Variants in ATP2C1 observed in about 807,000 individuals in gnomAD.
The protein encoded by ATP2C1 is calcium-transporting ATPase type 2C member 1.
Under a neutral mutation model 120.5 loss-of-function variants are expected in ATP2C1, and 31 were observed. That is an observed-to-expected ratio of 0.26 (90% CI 0.19 to 0.35). The LOEUF (loss-of-function observed/expected upper bound fraction) is 0.35, where lower values mean the gene tolerates loss of function less well. Among genes scored for constraint, ATP2C1 ranks in the 10% least tolerant of loss-of-function variants. ATP2C1 has a pLI of 1.00. For missense variants in ATP2C1, 731 were observed against 1,107.5 expected (o/e 0.66, Z 4.83); for synonymous variants, 351 against 358.7 (o/e 0.98, Z 0.24).
At chr3:130,912,011 C>G (rs1405508943) in intron 2 of ATP2C1, among the ~76,000 whole-genome samples, 2 of 109,638 alleles carry the variant, frequency 1.8e-5, no homozygotes, top group African/African-American at 7.4e-5. Context: ...AAAGGATTCC[C>G]TATTTAATAA....
At chr3:130,895,185 A>G (rs1290866041) in intron 2 of ATP2C1, among the ~76,000 whole-genome samples, 2 of 152,238 alleles carry the variant, frequency 1.3e-5, no homozygotes, top group Admixed American at 6.5e-5. Flanking sequence ...GGTGTGTGGC[A>G]GGATTCATTT....
upstream of ATP2C1, among the ~76,000 whole-genome samples, chr3:130,891,887 C>T (rs1417880093): frequency 6.6e-6 from 1 of 152,060 alleles, no homozygotes; most frequent in African/African-American, 2.4e-5. Context: ...GGATCGGTTC[C>T]AGAACCCCCT....
chr3:130,891,362 A>G (rs1484691428), upstream of ATP2C1, among the ~76,000 whole-genome samples: 1 of 152,220 alleles, frequency 6.6e-6, no homozygotes, highest in East Asian at 1.9e-4. Context: ...CCTTTGTGGA[A>G]TAAAGCACAG....
chr3:130,990,467 C>G (rs1265382450), intron 20 of ATP2C1, among the ~76,000 whole-genome samples: 1 of 152,038 alleles, frequency 6.6e-6, no homozygotes. Context: ...GTGTGAGGAA[C>G]AACGAGGAGG....
At chr3:130,950,944 T>G (rs2060346459) in intron 8 of ATP2C1, among the ~76,000 whole-genome samples, 1 of 152,176 alleles carries the variant, frequency 6.6e-6, no homozygotes, top group Non-Finnish European at 1.5e-5. Context: ...GATTTACATT[T>G]AAAGCAAAAG....
intron 5 of ATP2C1, among the ~76,000 whole-genome samples, chr3:130,935,481 T>G (rs887457505): frequency 6.6e-6 from 1 of 152,224 alleles, no homozygotes; most frequent in Admixed American, 6.5e-5. Context: ...TATAAAAAAT[T>G]TGTAGCAAGT....
At chr3:130,985,789 GATCATT>G (rs1346904296) in intron 20 of ATP2C1, among the ~76,000 whole-genome samples, 1 of 152,122 alleles carries the variant, frequency 6.6e-6, no homozygotes, top group Non-Finnish European at 1.5e-5. Flanking sequence ...TGACTTTCAC[GATCATT>G]AACTATATTT....
chr3:131,014,151 G>A (rs1222095518), intron 26 of ATP2C1: 1 of 1,613,282 alleles, frequency 6.2e-7, no homozygotes, highest in Non-Finnish European at 8.5e-7. Context: ...CTTGGTGTGT[G>A]CAGTGGTTCT....
At chr3:130,872,462 A>G (rs879013685) in intron 1 of ATP2C1, among the ~76,000 whole-genome samples, 3 of 152,114 alleles carry the variant, frequency 2.0e-5, no homozygotes, top group Non-Finnish European at 2.9e-5. Context: ...CTATTGAATA[A>G]TGTCTCTAAA....
In ATP2C1 at chr3:131,008,622, G is replaced by T. The variant is rs146044023; in HGVS notation, c.2630-7530G>T. Among the ~76,000 whole-genome samples, 361 of 152,208 alleles carry T rather than the reference G, an allele frequency of 2.4e-3. 1 individual carries two copies. The highest frequency in any genetic ancestry group is 8.4e-3 in the African/African-American group (350 of 41,536). On this transcript the variant is annotated intron_variant, in intron 26 of 26. Coordinates refer to the ATP2C1 transcript ENST00000328560. ...GGTGAGCAGTTGCAAGGGACTATAT[G>T]ACCTGTAAAGCCTAAAATATTTACT...
intron 1 of ATP2C1, among the ~76,000 whole-genome samples, chr3:130,856,669 T>A (rs2067851758): frequency 6.6e-6 from 1 of 152,188 alleles, no homozygotes; most frequent in Non-Finnish European, 1.5e-5. Context: ...TTTCATTGGC[T>A]TCCATTTGCT....
intron 4 of ATP2C1, among the ~76,000 whole-genome samples, chr3:130,933,451 A>T (rs937666958): frequency 6.6e-6 from 1 of 152,168 alleles, no homozygotes; most frequent in Non-Finnish European, 1.5e-5. Context: ...GTTAATCCTT[A>T]TAACAGTTCT....
intron 17 of ATP2C1, among the ~76,000 whole-genome samples, chr3:130,971,013 A>T (rs1409131033): frequency 2.0e-5 from 3 of 152,214 alleles, no homozygotes; most frequent in African/African-American, 7.2e-5. Flanking sequence ...AAAACTATGA[A>T]AATACAATAC....
chr3:130,919,903 T>C (rs181385918), intron 2 of ATP2C1, among the ~76,000 whole-genome samples: 1 of 152,296 alleles, frequency 6.6e-6, no homozygotes, highest in Non-Finnish European at 1.5e-5. Context: ...AGGTGTGAGG[T>C]AATATTGTGT....
intron 1 of ATP2C1, among the ~76,000 whole-genome samples, chr3:130,882,212 CTT>C (rs201420573): frequency 1.4e-5 from 2 of 144,964 alleles, no homozygotes; most frequent in African/African-American, 2.5e-5. Context: ...TTTCTTTCTT[CTT>C]TTTTTTTTTT....
rs937695979 is a variant in ATP2C1 at position 130,872,574 on chromosome 3, G to A, written c.108+21646G>A. Among the ~76,000 whole-genome samples, 3 of 151,096 alleles carry A rather than the reference G, an allele frequency of 2.0e-5. No homozygotes were observed. In the South Asian group the frequency reaches 6.2e-4, roughly 31 times the overall value. On this transcript the variant is annotated intron_variant, in intron 1 of 26. Coordinates refer to the ATP2C1 transcript ENST00000504381. ...ATGAGACTACACTCCCATTTGAGGA[G>A]TACTTTTCTTTTCTTTTTTTTTTTT...
chr3:131,008,161 G>A (rs1455480996), intron 26 of ATP2C1, among the ~76,000 whole-genome samples: 1 of 152,130 alleles, frequency 6.6e-6, no homozygotes, highest in Non-Finnish European at 1.5e-5. Context: ...ACTATGGCCA[G>A]GCATGGTGAC....
intron 26 of ATP2C1, among the ~76,000 whole-genome samples, chr3:131,008,379 T>C (rs1359569893): frequency 6.7e-6 from 1 of 150,218 alleles, no homozygotes; most frequent in Non-Finnish European, 1.5e-5. Flanking sequence ...TGAGCCTAGA[T>C]TGCGCCACTG....
intron 3 of ATP2C1, 28 bp downstream of exon 3, chr3:130,930,554 T>G (rs2059408187): frequency 7.3e-7 from 1 of 1,378,420 alleles, no homozygotes; most frequent in African/African-American, 1.4e-5. Context: ...AGGAAGGGAC[T>G]AGATGGTGTA....
Sources: gnomAD v4.1 joint callset for allele counts (sites outside exome capture counted in the v4.1 genomes callset) on GRCh38, gnomAD v4.1.1 for gene constraint, MANE v1.5 for transcripts, NCBI Gene and HGNC (gene_info 2026-07-23, HGNC 2026-07-21) for gene names.